The following GOLGA1 variants were observed in gnomAD, a reference collection of about 807,000 sequenced individuals.
The protein encoded by GOLGA1 is golgin A1.
Under a neutral mutation model 119.7 loss-of-function variants are expected in GOLGA1, and 63 were observed. The ratio of observed to expected loss-of-function variants is 0.53; its 90% CI spans 0.43 to 0.65. The LOEUF (loss-of-function observed/expected upper bound fraction) is 0.65. GOLGA1 is among the 30% of genes least tolerant of loss of function. The probability of loss-of-function intolerance (pLI) is 0.00; values close to 1 mark genes in which losing one functional copy is unlikely to be tolerated. For missense variants in GOLGA1, 798 were observed against 912.8 expected (o/e 0.87, Z 1.62); for synonymous variants, 318 against 333.4 (o/e 0.95, Z 0.50).
Position 124,892,672 on chromosome 9 carries a change from C to G in GOLGA1, c.1408-2194G>C, listed in dbSNP as rs547003549. On this transcript the variant is annotated intron_variant, in intron 15 of 22. Coordinates refer to ENST00000373555, the MANE Select transcript of GOLGA1 (RefSeq NM_002077.4). ...TTCAGGCTGGGCATGGTGGCTCACG[C>G]CTGTAATCCCAGCACTTTGGGAGGC... 2.0e-5 allele frequency among the ~76,000 whole-genome samples: 3 copies of G among 152,180 alleles called. No individual in the cohort carries two copies. In the South Asian group the frequency reaches 6.2e-4, roughly 32 times the overall value.
At chr9:124,887,956 G>A (rs577692860) in intron 19 of GOLGA1, among the ~76,000 whole-genome samples, 68 of 152,306 alleles carry the variant, frequency 4.5e-4, no homozygotes, top group African/African-American at 1.5e-3. Flanking sequence ...GAGGACTGTC[G>A]CTATGGCCTG....
chr9:124,899,600 C>G (rs1447367804), intron 13 of GOLGA1, 122 bp from the exon 14 acceptor site: 1 of 1,009,796 alleles, frequency 9.9e-7, no homozygotes, highest in South Asian at 1.6e-5. Flanking sequence ...ACCCCATCCC[C>G]CCTGGCGTTG....
intron 15 of GOLGA1, among the ~76,000 whole-genome samples, chr9:124,896,815 CTAGT>C (rs1829995050): frequency 6.6e-6 from 1 of 151,996 alleles, no homozygotes; most frequent in African/African-American, 2.4e-5. Flanking sequence ...ACCTGTAGTC[CTAGT>C]TATTCATGAG....
intron 3 of GOLGA1, 36 bp from the exon 4 acceptor site, chr9:124,931,442 T>C (rs996032655): frequency 5.1e-6 from 5 of 982,204 alleles, no homozygotes; most frequent in Non-Finnish European, 8.3e-6. Flanking sequence ...CGTATTCATA[T>C]ATGTGTGAGA....
intron 10 of GOLGA1, among the ~76,000 whole-genome samples, chr9:124,917,053 T>G (rs1830462522): frequency 6.6e-6 from 1 of 151,948 alleles, no homozygotes; most frequent in Admixed American, 6.6e-5. Flanking sequence ...AAAAGTAAGT[T>G]TAGAAAAATA....
At position 124,879,020 on chromosome 9, in the gene GOLGA1, A is replaced by C. The variant is rs904618025; in HGVS notation, c.*1510T>G. ...ACTGGAGAAGCGGCCTCTGGAAGGC[A>C]GAGAGCCTGAGCTGGGACTAAGGAG... On this transcript the variant is annotated 3_prime_UTR_variant, in exon 23 of 23. Transcript: ENST00000373555. 2 of 152,218 alleles carry C rather than the reference A, an allele frequency of 1.3e-5. No homozygotes were observed. The highest frequency in any genetic ancestry group is 2.9e-5 in the Non-Finnish European group (2 of 68,036). 9.4% of individuals were successfully genotyped at this position (152,218 alleles called of 1,614,324 possible).
intron 11 of GOLGA1, among the ~76,000 whole-genome samples, chr9:124,910,679 G>A (rs1321636468): frequency 6.6e-6 from 1 of 152,170 alleles, no homozygotes; most frequent in Non-Finnish European, 1.5e-5. Flanking sequence ...TTAGGAACCA[G>A]GCCGCACAGC....
chr9:124,912,055 A>G (rs552898891), intron 10 of GOLGA1, 29 bp from the exon 11 acceptor site: 11 of 1,602,186 alleles, frequency 6.9e-6, no homozygotes, highest in Non-Finnish European at 9.4e-6. Context: ...ATCACTCTAT[A>G]CTAGAAGCCC....
chr9:124,890,830 TG>T lies in GOLGA1; in HGVS notation c.1408-353del, dbSNP rs552510275. Among the ~76,000 whole-genome samples the T allele has an allele frequency of 7.3e-5, 11 of 151,016 alleles. 1 individual carries two copies. In the East Asian group the frequency reaches 2.2e-3, roughly 30 times the overall value. Reference sequence around the variant, plus strand: ...AGACTCGCAGGCCACGTGAATGGAGTGGGGGACTGGAACAATTGGTTATGGA... The same window carrying T: ...AGACTCGCAGGCCACGTGAATGGAGTGGGGACTGGAACAATTGGTTATGGA... On this transcript the variant is annotated intron_variant, in intron 15 of 22. Transcript: ENST00000373555.
upstream of GOLGA1, chr9:124,944,106 G>A (rs1022202268): frequency 6.6e-6 from 1 of 152,098 alleles, no homozygotes; most frequent in African/African-American, 2.4e-5. Context: ...GAACAGCAAG[G>A]TTTATTAAAA....
chr9:124,887,955 C>T (rs1479356825), intron 19 of GOLGA1, among the ~76,000 whole-genome samples: 17 of 152,284 alleles, frequency 1.1e-4, no homozygotes, highest in Admixed American at 3.9e-4. Flanking sequence ...AGAGGACTGT[C>T]GCTATGGCCT....
intron 10 of GOLGA1, among the ~76,000 whole-genome samples, chr9:124,918,481 A>G (rs1296938693): frequency 6.6e-6 from 1 of 152,198 alleles, no homozygotes; most frequent in African/African-American, 2.4e-5. Flanking sequence ...GGGTCCCTTG[A>G]CTATCAAAGT....
intron 15 of GOLGA1, among the ~76,000 whole-genome samples, chr9:124,897,944 G>A (rs1202690300): frequency 2.0e-5 from 3 of 152,238 alleles, no homozygotes; most frequent in East Asian, 3.9e-4. Flanking sequence ...CTTTGAAAGG[G>A]GCCACGGGAG....
rs768253985 is a variant in GOLGA1, at chr9:124,921,116, A to T, written c.843+13T>A. 1 of 1,460,910 alleles carries T rather than the reference A, an allele frequency of 6.8e-7. No individual in the cohort carries two copies. Among genetic ancestry groups the T allele is most frequent in the Non-Finnish European group, 9.6e-7 (1 of 1,040,838 alleles). The allele number at this position is 1,460,910 out of a possible 1,614,324, so 90.5% of individuals were successfully genotyped here. A position where few individuals can be genotyped will look rare whatever the true frequency, so the allele number is the denominator to read the frequency against. Reference sequence around the variant, plus strand: ...TCTTAGAAATCCAGGTCTTCTCCTCATATTCTACTTACCTTTTGCAAATCA... The same window carrying T: ...TCTTAGAAATCCAGGTCTTCTCCTCTTATTCTACTTACCTTTTGCAAATCA... On this transcript the variant is annotated intron_variant, in intron 10 of 22. Coordinates refer to ENST00000373555, the MANE Select transcript of GOLGA1 (RefSeq NM_002077.4).
intron 15 of GOLGA1, among the ~76,000 whole-genome samples, chr9:124,895,360 CAG>C (rs1328268184): frequency 7.0e-6 from 1 of 142,854 alleles, no homozygotes; most frequent in Non-Finnish European, 1.5e-5. Flanking sequence ...CCCTCCACAA[CAG>C]ACTCTCCACA....
At chr9:124,903,700 T>C (rs906245470) in intron 12 of GOLGA1, among the ~76,000 whole-genome samples, 1 of 140,416 alleles carries the variant, frequency 7.1e-6, no homozygotes, top group Non-Finnish European at 1.5e-5. Context: ...TGTTCATCAA[T>C]GAATGAATGG....
intron 12 of GOLGA1, among the ~76,000 whole-genome samples, chr9:124,901,184 G>A (rs1043343768): frequency 6.6e-6 from 1 of 151,754 alleles, no homozygotes; most frequent in African/African-American, 2.4e-5. Flanking sequence ...TGCTAGCCAG[G>A]ATGGTCTTGA....
In GOLGA1 at chr9:124,889,291, G is replaced by A. The variant is rs780458941; in HGVS notation, c.1613C>T (p.Ala538Val). ...CTGCAGCTGGTGTATCTGCAGCAGGGCAGAGTTGTGACCTAGGTCGGGGAG... is the reference window on the plus strand; with the variant it reads ...CTGCAGCTGGTGTATCTGCAGCAGGACAGAGTTGTGACCTAGGTCGGGGAG... ...ILQLERGHNSALLQIHQLQAE... is the reference protein window; with the variant it reads ...ILQLERGHNSVLLQIHQLQAE... Residue 538 changes from alanine (A) to valine (V), a missense_variant, in exon 18 of 23, where the codon GCC (alanine) becomes GTC (valine). Coordinates refer to ENST00000373555, the MANE Select transcript of GOLGA1 (RefSeq NM_002077.4). The A allele has an allele frequency of 4.3e-6, 7 of 1,613,502 alleles. No individual in the cohort carries two copies. Among genetic ancestry groups the A allele is most frequent in the Admixed American group, 3.3e-5 (2 of 60,006 alleles).
chr9:124,906,769 A>G (rs942360907), intron 12 of GOLGA1, among the ~76,000 whole-genome samples: 3 of 152,172 alleles, frequency 2.0e-5, no homozygotes, highest in African/African-American at 7.2e-5. Context: ...AAAAAAAGAT[A>G]CCATCACAGT....
Sources: allele counts gnomAD v4.1 joint callset (sites outside exome capture counted in the v4.1 genomes callset), GRCh38; gene constraint gnomAD v4.1.1; transcripts MANE v1.5; gene names NCBI Gene and HGNC (gene_info 2026-07-23, HGNC 2026-07-21).